SPRY3: variants seen among roughly 807,000 people sequenced by gnomAD.
SPRY3 encodes protein sprouty homolog 3.
SPRY3 carries 15 observed loss-of-function variants against 20.2 expected under a neutral mutation model. The ratio of observed to expected loss-of-function variants is 0.74; its 90% CI spans 0.50 to 1.14. SPRY3 has a LOEUF of 1.14. Among genes scored for constraint, SPRY3 ranks in the 50% most tolerant of loss-of-function variants. SPRY3 has a pLI of 0.00. For missense variants in SPRY3, 364 were observed against 363.9 expected, an observed-to-expected ratio of 1.00 and a Z score of 0.00; for synonymous variants, 143 against 136.5, an observed-to-expected ratio of 1.05 and a Z score of -0.33.
At chrX:155,706,346 G>C (rs1205958274) in intron 2 of SPRY3, among the ~76,000 whole-genome samples, 1 of 151,038 alleles carries the variant, frequency 6.6e-6, no homozygotes, top group Non-Finnish European at 1.5e-5. Flanking sequence ...ATAAAACTTT[G>C]CATGGTGTAG....
chrX:155,774,623 G>T, exon 4 of SPRY3: 1 of 1,613,986 alleles, frequency 6.2e-7, no homozygotes, highest in Non-Finnish European at 8.5e-7. Context: ...TGCCAACAGG[G>T]CTATGATAGC....
chrX:155,741,273 T>A (rs1028599610), intron 2 of SPRY3, among the ~76,000 whole-genome samples: 2 of 151,964 alleles, frequency 1.3e-5, no homozygotes, highest in African/African-American at 2.4e-5. Flanking sequence ...GCTATCTTTC[T>A]GAAATAAGAC....
At chrX:155,687,690 G>A (rs2068091423) in intron 2 of SPRY3, among the ~76,000 whole-genome samples, 1 of 112,094 alleles carries the variant, frequency 8.9e-6, no homozygotes, top group South Asian at 3.7e-4. Flanking sequence ...CAGCAGAATA[G>A]AAAACATCTG....
chrX:155,653,936 A>G (rs1265096063), intron 1 of SPRY3, among the ~76,000 whole-genome samples: 1 of 111,857 alleles, frequency 8.9e-6, no homozygotes, highest in Non-Finnish European at 1.9e-5. Context: ...TTGGTGTCCT[A>G]TAATTAAATT....
At chrX:155,619,313 G>A (rs2067863875) in intron 1 of SPRY3, among the ~76,000 whole-genome samples, 1 of 109,750 alleles carries the variant, frequency 9.1e-6, no homozygotes, top group Admixed American at 9.8e-5. Context: ...ACTTGCTTTT[G>A]CACATTTGTC....
intron 1 of SPRY3, among the ~76,000 whole-genome samples, chrX:155,626,165 C>T (rs1260024204): frequency 9.0e-6 from 1 of 111,498 alleles, no homozygotes; most frequent in East Asian, 2.8e-4. Context: ...TTACTGGCAA[C>T]GTATGAGGTC....
chrX:155,674,954 C>T (rs946235568), intron 2 of SPRY3, among the ~76,000 whole-genome samples: 2 of 111,671 alleles, frequency 1.8e-5, no homozygotes, highest in African/African-American at 6.5e-5. Context: ...TATCTTAATA[C>T]CTGTAGTTCC....
At chrX:155,707,479 G>A (rs2090959813) in intron 2 of SPRY3, among the ~76,000 whole-genome samples, 2 of 151,278 alleles carry the variant, frequency 1.3e-5, no homozygotes, top group African/African-American at 2.4e-5. Context: ...GTTCTAAAAT[G>A]TCAGGTCACA....
chrX:155,760,617 G>A (rs2091300390), intron 2 of SPRY3, among the ~76,000 whole-genome samples: 1 of 152,272 alleles, frequency 6.6e-6, no homozygotes, highest in Admixed American at 6.5e-5. Flanking sequence ...TTCCACCACG[G>A]TGGTGGTAGG....
chrX:155,774,974 G>A (rs17653586), exon 4 of SPRY3: 15 of 592,194 alleles, frequency 2.5e-5, no homozygotes, highest in Non-Finnish European at 4.5e-5. Context: ...CAGCCTTTAT[G>A]GTTGTCATGG....
At chrX:155,612,962 G>C (rs782405619) in intron 1 of SPRY3, 1 of 112,306 alleles carries the variant, frequency 8.9e-6, no homozygotes, top group African/African-American at 3.2e-5. Flanking sequence ...TGTAGGCCCC[G>C]CCCCACTCCT....
intron 1 of SPRY3, among the ~76,000 whole-genome samples, chrX:155,654,785 G>A (rs781979861): frequency 9.3e-6 from 1 of 107,673 alleles, no homozygotes; most frequent in Admixed American, 1.0e-4. Flanking sequence ...CACTTAGGTT[G>A]ATTCCATGAC....
At chrX:155,730,681 G>A (rs1252327805) in intron 2 of SPRY3, among the ~76,000 whole-genome samples, 1 of 151,968 alleles carries the variant, frequency 6.6e-6, no homozygotes, top group Non-Finnish European at 1.5e-5. Flanking sequence ...ACAAGAGAAA[G>A]AAATAAAGGG....
chrX:155,782,364 G>A (rs1300493878), exon 2 of SPRY3: 2 of 166,950 alleles, frequency 1.2e-5, no homozygotes, highest in African/African-American at 4.8e-5. Flanking sequence ...CATCCTGGAT[G>A]TTATGAATTT....
chrX:155,717,051 C>T (rs773544812), intron 2 of SPRY3, among the ~76,000 whole-genome samples: 34 of 137,742 alleles, frequency 2.5e-4, no homozygotes, highest in South Asian at 1.2e-3. Context: ...CCCAGCTACT[C>T]GGGAGGCTGA....
At position 155,719,871 on chromosome X, in the gene SPRY3, C is replaced by CT. The variant is rs2091045277; in HGVS notation, c.-281-48090dup. Among the ~76,000 whole-genome samples, 10 of 152,210 alleles carry CT rather than the reference C, an allele frequency of 6.6e-5. No individual in the cohort carries two copies. The South Asian group carries it at 1.9e-3, about 28-fold the overall frequency. On this transcript the variant is annotated intron_variant, in intron 2 of 3. Transcript: ENST00000675360. ...CAGGTGAGACTCAAGACATTCCCGGCTGTGGTGGCTATGGGGCAACTCCTT... is the reference window on the plus strand; with the variant it reads ...CAGGTGAGACTCAAGACATTCCCGGCTTGTGGTGGCTATGGGGCAACTCCTT...
chrX:155,710,561 A>G (rs1283180627), intron 2 of SPRY3, among the ~76,000 whole-genome samples: 1 of 151,358 alleles, frequency 6.6e-6, no homozygotes, highest in African/African-American at 2.4e-5. Flanking sequence ...TAGGTTTCTT[A>G]TGGAGTCTTT....
intron 1 of SPRY3, among the ~76,000 whole-genome samples, chrX:155,616,825 T>C (rs2067855422): frequency 9.0e-6 from 1 of 110,810 alleles, no homozygotes; most frequent in African/African-American, 3.3e-5. Context: ...ACCACAACAG[T>C]TCAGGGCAAA....
chrX:155,665,617 T>C (rs1557354266), intron 2 of SPRY3, among the ~76,000 whole-genome samples: 2 of 111,391 alleles, frequency 1.8e-5, no homozygotes, highest in Non-Finnish European at 3.8e-5. Context: ...GTATGTACAG[T>C]ATGAAACACT....
Sources: allele counts gnomAD v4.1 joint callset (sites outside exome capture counted in the v4.1 genomes callset), GRCh38; gene constraint gnomAD v4.1.1; transcripts MANE v1.5; gene names NCBI Gene and HGNC (gene_info 2026-07-23, HGNC 2026-07-21).